Variants in IFT46 observed in about 807,000 individuals in gnomAD.
IFT46 encodes the protein intraflagellar transport protein 46 homolog.
In IFT46, 19 loss-of-function variants were observed where a neutral mutation model predicts 39.6. That is an observed-to-expected ratio of 0.48 (90% CI 0.33 to 0.70). The LOEUF is 0.70. Among genes scored for constraint, IFT46 ranks in the 30% least tolerant of loss-of-function variants. The pLI, the probability that IFT46 is intolerant of heterozygous loss-of-function variation, is 0.01. For synonymous variants in IFT46, 117 were observed against 134.8 expected, an observed-to-expected ratio of 0.87 and a Z score of 0.91; for missense variants, 334 against 364.8, an observed-to-expected ratio of 0.92 and a Z score of 0.69.
At chr11:118,573,227 C>T (rs1351359042), upstream of IFT46, among the ~76,000 whole-genome samples, 1 of 152,086 alleles carries the variant, frequency 6.6e-6, no homozygotes, top group East Asian at 1.9e-4. Context: ...AAAATGTGAG[C>T]AGGTTCCAGA....
intron 9 of IFT46, 174 bp from the exon 10 acceptor site, chr11:118,546,027 T>C: frequency 1.4e-6 from 1 of 711,818 alleles, no homozygotes. Context: ...AGAATGTGAC[T>C]ATATTTGGAG....
At chr11:118,548,892 A>AT (rs1951757621) in intron 9 of IFT46, among the ~76,000 whole-genome samples, 1 of 142,856 alleles carries the variant, frequency 7.0e-6, no homozygotes, top group Non-Finnish European at 1.5e-5. Flanking sequence ...CTCCATTATG[A>AT]CTTTTTTTTT....
chr11:118,572,573 A>C, intron 1 of IFT46: 1 of 1,604,664 alleles, frequency 6.2e-7, no homozygotes, highest in Non-Finnish European at 8.5e-7. Flanking sequence ...CCAGGACCCG[A>C]ACTCCTGGGG....
Position 118,552,229 on chromosome 11 carries a change from G to C in IFT46, c.590C>G (p.Thr197Ser). ...TATTTCTTACCTGGTGTAGTGCACAGTCGCAGGGGGCTTAGAACGGTGTAA... is the reference window on the plus strand; with the variant it reads ...TATTTCTTACCTGGTGTAGTGCACACTCGCAGGGGGCTTAGAACGGTGTAA... ...SELHRSKPPATVHYTRPMPDI... is the reference protein window; with the variant it reads ...SELHRSKPPASVHYTRPMPDI... Residue 197 changes from threonine to serine, a missense_variant, in exon 8 of 12, where the codon ACT (threonine) becomes AGT (serine). By Grantham distance (58) the Thr-to-Ser change is moderately conservative. Transcript: ENST00000264021. The C allele has an allele frequency of 6.2e-7, 1 of 1,614,182 alleles. No homozygotes were observed. The highest frequency in any genetic ancestry group is 1.1e-5 in the South Asian group (1 of 91,082).
intron 2 of IFT46, chr11:118,561,229 T>C (rs1472241990): frequency 7.3e-6 from 10 of 1,375,718 alleles, no homozygotes; most frequent in Non-Finnish European, 8.2e-6. Context: ...AACGATTCCC[T>C]AGTTATGATT....
At chr11:118,554,367 G>T in intron 7 of IFT46, 92 bp downstream of exon 7, 1 of 1,321,670 alleles carries the variant, frequency 7.6e-7, no homozygotes, top group Non-Finnish European at 1.0e-6. Context: ...CATCTCTTTT[G>T]ACAGGCAGTA....
intron 1 of IFT46, among the ~76,000 whole-genome samples, chr11:118,565,275 G>A (rs1938185941): frequency 6.6e-6 from 1 of 151,972 alleles, no homozygotes; most frequent in Non-Finnish European, 1.5e-5. Flanking sequence ...GGAACTGCTG[G>A]CAGGCTGGCT....
upstream of IFT46, among the ~76,000 whole-genome samples, chr11:118,576,436 A>AAC (rs1335182292): frequency 2.7e-5 from 4 of 146,008 alleles, no homozygotes; most frequent in African/African-American, 7.4e-5. Context: ...TAAAAAAAAA[A>AAC]AAAAAAAAAA....
chr11:118,572,112 TTATA>T (rs1938350203), intron 1 of IFT46, among the ~76,000 whole-genome samples: 1 of 151,286 alleles, frequency 6.6e-6, no homozygotes, highest in African/African-American at 2.4e-5. Flanking sequence ...AAAAAGTTCT[TTATA>T]TATTCCGGAT....
rs1439014906 is a variant in IFT46 at position 118,561,362 on chromosome 11, T to C, written c.-35-1498A>G. On this transcript the variant is annotated intron_variant, in intron 2 of 11. Transcript: ENST00000264021. ...TGCTTACAAGAACCAGTTCTCTCAATGCATAAAGAAGAGCGTAACTCCAGA... is the reference window on the plus strand; with the variant it reads ...TGCTTACAAGAACCAGTTCTCTCAACGCATAAAGAAGAGCGTAACTCCAGA... The C allele has an allele frequency of 4.5e-6, 4 of 879,832 alleles. No individual in the cohort carries two copies. The Admixed American group carries it at 6.8e-5, about 15-fold the overall frequency. 54.5% of individuals were successfully genotyped at this position (879,832 alleles called of 1,614,324 possible).
At chr11:118,546,471 T>C (rs781879332) in intron 9 of IFT46, 3 of 330,968 alleles carry the variant, frequency 9.1e-6, no homozygotes, top group East Asian at 1.2e-4. Flanking sequence ...AGCCTGGGCA[T>C]AGAGTAATAC....
chr11:118,567,249 C>T (rs782725154), upstream of IFT46, among the ~76,000 whole-genome samples: 1 of 151,590 alleles, frequency 6.6e-6, no homozygotes, highest in Non-Finnish European at 1.5e-5. Context: ...CAGATCAAGA[C>T]CCCATCTCAA....
At chr11:118,557,278 A>G (rs1214374608) in intron 3 of IFT46, 1 of 430,450 alleles carries the variant, frequency 2.3e-6, no homozygotes, top group African/African-American at 2.0e-5. Context: ...AGGCTGGGGT[A>G]TAAATTCTAA....
Position 118,545,472 on chromosome 11 carries a change from G to C in IFT46, c.756C>G (p.Tyr252Ter), listed in dbSNP as rs781838600. ...GATGGAGGGACTGGATCCGACTCTT[G>C]TAGACAGGGATGTCTAGAATGGCTG... ...MICAILDIPVYKSRIQSLHLL... is the reference protein window; with the variant it reads ...MICAILDIPV The change falls in exon 11 of 12, where the codon TAC becomes TAG. Residue 252 changes from tyrosine to a stop codon, truncating the protein, a stop_gained. Transcript: ENST00000264021. LOFTEE classifies it high-confidence loss of function. The C allele has an allele frequency of 6.2e-7, 1 of 1,613,346 alleles. No homozygotes were observed. Among genetic ancestry groups the C allele is most frequent in the Non-Finnish European group, 8.5e-7 (1 of 1,179,310 alleles).
Position 118,559,987 on chromosome 11 carries a change from C to G in IFT46, c.-35-123G>C, listed in dbSNP as rs112422748. ...AAACAAGGTTTATTGGAACATCTGGCTAAAGAGACAGGAGACTGAATTCTA... is the reference window on the plus strand; with the variant it reads ...AAACAAGGTTTATTGGAACATCTGGGTAAAGAGACAGGAGACTGAATTCTA... On this transcript the variant is annotated intron_variant, in intron 2 of 11. Transcript: ENST00000264021. 2.9e-3 allele frequency: 1,852 copies of G among 637,494 alleles called. 25 individuals are homozygous for G. The African/African-American group carries it at 0.03, about 10-fold the overall frequency. The allele number at this position is 637,494 out of a possible 1,614,324, so 39.5% of individuals were successfully genotyped here.
Position 118,556,940 on chromosome 11 carries a change from C to T in IFT46, c.151G>A (p.Asp51Asn), listed in dbSNP as rs782560628. The stretch of plus-strand genomic sequence containing the variant: ...GGGGCTCCATGCTCTTCATCATCAT[C>T]ATCAGAATCAGAATCAGTTTCAGAT... ...DSSETDSDSD[D>N]DDEEHGAPLE... The change falls in exon 4 of 12, where the codon GAT becomes AAT. Residue 51 changes from aspartate to asparagine, a missense_variant. Coordinates refer to ENST00000264021, the MANE Select transcript of IFT46 (RefSeq NM_001168618.2). 94 of 1,609,506 alleles carry T rather than the reference C, an allele frequency of 5.8e-5. No individual in the cohort carries two copies. The highest frequency in any genetic ancestry group is 7.8e-5 in the Non-Finnish European group (92 of 1,177,622).
At chr11:118,551,436 G>A (rs1951799807) in intron 9 of IFT46, among the ~76,000 whole-genome samples, 1 of 152,038 alleles carries the variant, frequency 6.6e-6, no homozygotes, top group South Asian at 2.1e-4. Context: ...CACTTTGGGA[G>A]GCTGAGGAAG....
At chr11:118,561,165 T>C (rs1264543062) in intron 2 of IFT46, 21 of 1,429,904 alleles carry the variant, frequency 1.5e-5, no homozygotes, top group African/African-American at 4.2e-5. Context: ...AATAAAGTTT[T>C]TGGCACCCTG....
exon 1 of IFT46, chr11:118,572,631 G>T (rs1938373188): frequency 1.3e-6 from 2 of 1,544,640 alleles, no homozygotes; most frequent in Non-Finnish European, 1.8e-6. Flanking sequence ...GGCAGGGGCC[G>T]GAGGAGCCCC....
Sources: allele counts gnomAD v4.1 joint callset (sites outside exome capture counted in the v4.1 genomes callset), GRCh38; gene constraint gnomAD v4.1.1; transcripts MANE v1.5; gene names NCBI Gene and HGNC (gene_info 2026-07-23, HGNC 2026-07-21).